The following RORA variants were observed in gnomAD, a reference collection of about 807,000 sequenced individuals.
The protein encoded by RORA is RAR related orphan receptor A.
A neutral mutation model predicts 69.5 loss-of-function variants in RORA; 7 were observed. The ratio of observed to expected loss-of-function variants is 0.10; its 90% CI spans 0.06 to 0.19. The LOEUF is 0.19. Among genes scored for constraint, RORA ranks in the 10% least tolerant of loss-of-function variants. RORA has a pLI of 1.00. For synonymous variants in RORA, 261 were observed against 240.8 expected, an observed-to-expected ratio of 1.08 and a Z score of -0.78; for missense variants, 457 against 663.0, an observed-to-expected ratio of 0.69 and a Z score of 3.41.
intron 1 of RORA, among the ~76,000 whole-genome samples, chr15:61,103,471 G>A (rs2078909154): frequency 6.6e-6 from 1 of 152,186 alleles, no homozygotes; most frequent in South Asian, 2.1e-4. Flanking sequence ...CACAGGGAGG[G>A]TGGGGTGCCC....
chr15:61,001,728 G>C (rs142519719), intron 1 of RORA, among the ~76,000 whole-genome samples: 1 of 152,180 alleles, frequency 6.6e-6, no homozygotes, highest in Admixed American at 6.5e-5. Context: ...AAAAGCACCA[G>C]TTAATAGGAA....
chr15:60,565,655 G>T (rs2067693592), intron 2 of RORA, among the ~76,000 whole-genome samples: 1 of 152,102 alleles, frequency 6.6e-6, no homozygotes, highest in African/African-American at 2.4e-5. Context: ...ACCTAATGGG[G>T]ATAACTTAAT....
At chr15:60,671,603 C>T (rs1272569015) in intron 2 of RORA, among the ~76,000 whole-genome samples, 1 of 151,774 alleles carries the variant, frequency 6.6e-6, no homozygotes, top group Non-Finnish European at 1.5e-5. Flanking sequence ...CATAGCAAGA[C>T]TCTGTCTCTC....
intron 1 of RORA, among the ~76,000 whole-genome samples, chr15:60,794,715 T>C (rs1019928146): frequency 1.6e-4 from 24 of 152,256 alleles, no homozygotes; most frequent in Admixed American, 6.5e-4. Flanking sequence ...GGCCACTGTT[T>C]GTTGAATAAC....
chr15:60,775,470 A>G (rs921774197), intron 1 of RORA, among the ~76,000 whole-genome samples: 19 of 152,308 alleles, frequency 1.2e-4, no homozygotes, highest in African/African-American at 4.1e-4. Context: ...TTTTCTCTTT[A>G]TAAAAACTAA....
chr15:60,728,786 C>T (rs747119942), intron 1 of RORA, among the ~76,000 whole-genome samples: 6 of 152,134 alleles, frequency 3.9e-5, no homozygotes, highest in Non-Finnish European at 7.3e-5. Flanking sequence ...CTAAAAAAAA[C>T]TTAAAGTGTA....
chr15:61,119,980 G>C (rs148240857), intron 1 of RORA, among the ~76,000 whole-genome samples: 2 of 152,320 alleles, frequency 1.3e-5, no homozygotes, highest in East Asian at 1.9e-4. Context: ...TTGTGAAACA[G>C]AGATGATGGT....
intron 1 of RORA, among the ~76,000 whole-genome samples, chr15:60,692,644 C>A (rs1331881907): frequency 6.6e-6 from 1 of 152,174 alleles, no homozygotes; most frequent in Non-Finnish European, 1.5e-5. Flanking sequence ...GCAAGTGTGA[C>A]AAAATGTTGG....
intron 1 of RORA, among the ~76,000 whole-genome samples, chr15:60,957,608 T>G (rs907285075): frequency 2.0e-5 from 3 of 152,214 alleles, no homozygotes; most frequent in Non-Finnish European, 2.9e-5. Context: ...GAGGGGGCTA[T>G]AGTTCAGTGA....
intron 1 of RORA, among the ~76,000 whole-genome samples, chr15:60,713,979 C>T (rs1426611552): frequency 6.6e-6 from 1 of 152,110 alleles, no homozygotes; most frequent in Non-Finnish European, 1.5e-5. Flanking sequence ...GAACTGTTCT[C>T]ACTTGGCAAA....
At chr15:60,966,687 A>G (rs570357179) in intron 1 of RORA, among the ~76,000 whole-genome samples, 6 of 152,302 alleles carry the variant, frequency 3.9e-5, no homozygotes, top group African/African-American at 1.4e-4. Context: ...TGTAAGAGAG[A>G]ATGCTTCTAC....
chr15:61,045,169 T>C (rs1457571641), intron 1 of RORA, among the ~76,000 whole-genome samples: 2 of 152,156 alleles, frequency 1.3e-5, no homozygotes, highest in Non-Finnish European at 2.9e-5. Flanking sequence ...TGGGAGGTAA[T>C]TGAATCATGG....
At chr15:60,933,562 T>G (rs28705880) in intron 1 of RORA, among the ~76,000 whole-genome samples, 47,344 of 151,980 alleles carry the variant, frequency 0.31, 8,818 homozygotes, top group East Asian at 0.57. Context: ...CGCATTATTC[T>G]GAATCGCAGG....
At chr15:60,817,974 C>T (rs2072840128) in intron 1 of RORA, among the ~76,000 whole-genome samples, 1 of 152,140 alleles carries the variant, frequency 6.6e-6, no homozygotes, top group African/African-American at 2.4e-5. Context: ...GATTTTAATG[C>T]TAATCCTTCC....
chr15:60,493,090 G>T lies in RORA; in HGVS notation c.*4365C>A, dbSNP rs751433287. ...TCATTCACAGTAAGTCAATTATAAG[G>T]TGCTTATTTACCCTTGTTTTTCACC... On this transcript the variant is annotated 3_prime_UTR_variant, in exon 11 of 11. Transcript: ENST00000335670. The T allele has an allele frequency of 6.6e-6, 1 of 152,026 alleles. No homozygotes were observed. Among genetic ancestry groups the T allele is most frequent in the Non-Finnish European group, 1.5e-5 (1 of 68,008 alleles). 9.4% of individuals were successfully genotyped at this position (152,026 alleles called of 1,614,324 possible). A position where few individuals can be genotyped will look rare whatever the true frequency, so the allele number is the denominator to read the frequency against.
intron 1 of RORA, among the ~76,000 whole-genome samples, chr15:60,751,211 C>G: frequency 6.6e-6 from 1 of 152,172 alleles, no homozygotes; most frequent in East Asian, 1.9e-4. Flanking sequence ...GTCCATGGTT[C>G]ACTTTGTTCT....
At chr15:61,205,518 G>A (rs1248009086) in intron 1 of RORA, among the ~76,000 whole-genome samples, 2 of 152,162 alleles carry the variant, frequency 1.3e-5, no homozygotes, top group Non-Finnish European at 2.9e-5. Flanking sequence ...CTAGTCAGCC[G>A]GAAGTCAGCT....
At position 60,882,929 on chromosome 15, in the gene RORA, G is replaced by A. The variant is rs138482113; in HGVS notation, c.167-204243C>T. Among the ~76,000 whole-genome samples, 13 of 152,010 alleles carry A rather than the reference G, an allele frequency of 8.6e-5. No homozygotes were observed. The East Asian group carries it at 1.7e-3, about 20-fold the overall frequency. The stretch of plus-strand genomic sequence containing the variant: ...ACCTGAGGGTATGGGTTAGGAGTTC[G>A]AGACCAGCCTGGCCAACATGGTGAA... On this transcript the variant is annotated intron_variant, in intron 1 of 10. Coordinates refer to ENST00000335670, the MANE Select transcript of RORA (RefSeq NM_134261.3).
chr15:61,128,204 CGTGTGTGTGT>C lies in RORA; in HGVS notation c.166+100839_166+100848del, dbSNP rs71125904. On this transcript the variant is annotated intron_variant, in intron 1 of 10. Transcript: ENST00000335670. This position sits in a 1 kb window ranked among gnomAD's most constrained non-coding sequence, Gnocchi z 4.5. ...TAATTGCTGTGTGTGTGTATGCACA[CGTGTGTGTGT>C]GTGTGTGTGTCTGTGTGTGAGTGTG... Among the ~76,000 whole-genome samples, 1 of 150,028 alleles carries C rather than the reference CGTGTGTGTGT, an allele frequency of 6.7e-6. No individual in the cohort carries two copies. Among genetic ancestry groups the C allele is most frequent in the Non-Finnish European group, 1.5e-5 (1 of 67,404 alleles).
Sources: gnomAD v4.1 joint callset for allele counts (sites outside exome capture counted in the v4.1 genomes callset) on GRCh38, gnomAD v4.1.1 for gene constraint, Gnocchi (gnomAD v3.1) non-coding constraint, MANE v1.5 for transcripts, NCBI Gene and HGNC (gene_info 2026-07-23, HGNC 2026-07-21) for gene names.